The following HDHD2 variants were observed in gnomAD, a reference collection of about 807,000 sequenced individuals.
HDHD2 encodes haloacid dehalogenase-like hydrolase domain-containing protein 2.
A neutral mutation model predicts 24.8 loss-of-function variants in HDHD2; 26 were observed. That is an observed-to-expected ratio of 1.05 (90% CI 0.77 to 1.45). HDHD2 has a LOEUF of 1.45. HDHD2 is among the 40% of genes most tolerant of loss of function. The probability of loss-of-function intolerance (pLI) is 0.00; values close to 1 mark genes in which losing one functional copy is unlikely to be tolerated. For synonymous variants in HDHD2, 128 were observed against 114.9 expected, an observed-to-expected ratio of 1.11 and a Z score of -0.73; for missense variants, 299 against 313.4, an observed-to-expected ratio of 0.95 and a Z score of 0.35.
intron 4 of HDHD2, among the ~76,000 whole-genome samples, chr18:47,119,343 C>T (rs1168108330): frequency 6.6e-6 from 1 of 152,214 alleles, no homozygotes; most frequent in Non-Finnish European, 1.5e-5. Context: ...CTCTCAAGCC[C>T]TTCTGCTGCT....
At chr18:47,128,298 A>G (rs1017553116) in intron 4 of HDHD2, among the ~76,000 whole-genome samples, 1 of 152,218 alleles carries the variant, frequency 6.6e-6, no homozygotes, top group African/African-American at 2.4e-5. Flanking sequence ...TTCCTATTAA[A>G]TATGTCCTTC....
Position 47,135,111 on chromosome 18 carries a change from G to C in HDHD2, c.102-407C>G, listed in dbSNP as rs142358872. Reference sequence around the variant, plus strand: ...GAACATCATGACTCCTAACTAAATTGGTAACTCCCAACTGATGCCTGCCAG... The same window carrying C: ...GAACATCATGACTCCTAACTAAATTCGTAACTCCCAACTGATGCCTGCCAG... On this transcript the variant is annotated intron_variant, in intron 2 of 6. Coordinates refer to ENST00000300605, the MANE Select transcript of HDHD2 (RefSeq NM_032124.5). 5.7e-3 allele frequency among the ~76,000 whole-genome samples: 869 copies of C among 151,924 alleles called. 3 individuals are homozygous for C. The highest frequency in any genetic ancestry group is 9.6e-3 in the Non-Finnish European group (650 of 67,944).
chr18:47,130,810 T>C (rs2063706740), intron 3 of HDHD2, among the ~76,000 whole-genome samples: 1 of 152,218 alleles, frequency 6.6e-6, no homozygotes, highest in African/African-American at 2.4e-5. Context: ...TCATGATTAA[T>C]ATGAAATGCA....
chr18:47,132,616 TTC>T (rs1228211276), intron 3 of HDHD2, among the ~76,000 whole-genome samples: 3 of 152,212 alleles, frequency 2.0e-5, no homozygotes, highest in East Asian at 3.9e-4. Flanking sequence ...CAAATAATAA[TTC>T]TGATTGATAC....
chr18:47,115,883 TTC>T (rs1245320228), intron 4 of HDHD2, among the ~76,000 whole-genome samples: 1 of 152,222 alleles, frequency 6.6e-6, no homozygotes, highest in Non-Finnish European at 1.5e-5. Context: ...GCACTTTTAC[TTC>T]TTTTACCTTT....
At chr18:47,128,084 A>T (rs1411574734) in intron 4 of HDHD2, among the ~76,000 whole-genome samples, 1 of 152,104 alleles carries the variant, frequency 6.6e-6, no homozygotes, top group Non-Finnish European at 1.5e-5. Flanking sequence ...CCTTCTGTTA[A>T]CTCTCCATCC....
intron 4 of HDHD2, among the ~76,000 whole-genome samples, chr18:47,126,521 T>C (rs2063659530): frequency 6.6e-6 from 1 of 152,192 alleles, no homozygotes; most frequent in South Asian, 2.1e-4. Context: ...CTAAGACTTT[T>C]GGAGGACTCT....
At chr18:47,140,955 A>AT (rs2063814674) in intron 1 of HDHD2, among the ~76,000 whole-genome samples, 2 of 152,050 alleles carry the variant, frequency 1.3e-5, no homozygotes, top group African/African-American at 4.8e-5. Flanking sequence ...ACAAGTGATA[A>AT]TTTTTTCTAT....
intron 1 of HDHD2, among the ~76,000 whole-genome samples, chr18:47,148,777 C>T (rs1352484167): frequency 2.6e-5 from 4 of 152,236 alleles, no homozygotes; most frequent in Non-Finnish European, 5.9e-5. Context: ...AATCAACTCT[C>T]ATCTAGACTA....
At position 47,130,291 on chromosome 18, in the gene HDHD2, T is replaced by C; in HGVS notation, c.348A>G (p.Gly116=). The part of the protein sequence containing the change: ...QTSDPNAVVM[G]LAPEHFHYQI... Reference sequence around the variant, plus strand: ...GATAATGAAAATGTTCTGGTGCCAATCCCATGACCACAGCATTAGGATCAC... The same window carrying C: ...GATAATGAAAATGTTCTGGTGCCAACCCCATGACCACAGCATTAGGATCAC... The change falls in exon 4 of 7, where the codon GGA becomes GGG. Residue 116 remains glycine (G), a synonymous_variant. Coordinates refer to ENST00000300605, the MANE Select transcript of HDHD2 (RefSeq NM_032124.5). 1 of 1,608,392 alleles carries C rather than the reference T, an allele frequency of 6.2e-7. No individual in the cohort carries two copies. The highest frequency in any genetic ancestry group is 8.5e-7 in the Non-Finnish European group (1 of 1,176,614).
intron 3 of HDHD2, among the ~76,000 whole-genome samples, chr18:47,134,228 T>C (rs530500187): frequency 1.3e-5 from 2 of 152,308 alleles, no homozygotes; most frequent in South Asian, 4.1e-4. Context: ...AGAATGCATG[T>C]TATACAGCAA....
intron 6 of HDHD2, chr18:47,111,522 G>A (rs2063516252): frequency 3.0e-6 from 3 of 985,372 alleles, no homozygotes; most frequent in Middle Eastern, 1.0e-3. Flanking sequence ...GCTGACGAGT[G>A]TGGCTACTTT....
At chr18:47,141,967 TTGA>T (rs1282398834) in intron 1 of HDHD2, among the ~76,000 whole-genome samples, 2 of 152,184 alleles carry the variant, frequency 1.3e-5, no homozygotes, top group African/African-American at 4.8e-5. Context: ...CTCCCAAGAT[TTGA>T]TGGTTTAATA....
At chr18:47,125,573 A>G (rs2063650859) in intron 4 of HDHD2, among the ~76,000 whole-genome samples, 1 of 152,264 alleles carries the variant, frequency 6.6e-6, no homozygotes, top group African/African-American at 2.4e-5. Flanking sequence ...ACAAAAACAA[A>G]GAAGCAAAAT....
intron 4 of HDHD2, among the ~76,000 whole-genome samples, chr18:47,119,877 T>C (rs2063589409): frequency 6.6e-6 from 1 of 152,218 alleles, no homozygotes; most frequent in Admixed American, 6.5e-5. Context: ...GGGTGTTGTG[T>C]TAACAGGCAT....
Position 47,134,677 on chromosome 18 carries a change from C to T in HDHD2, c.129G>A (p.Arg43=). The part of the protein sequence containing the change: ...KRLRGASVII[R]FVTNTTKESK... ...TCTCTTTGGTTGTATTGGTCACAAA[C>T]CTAATGATTACAGAAGCACCACGTA... is the stretch of plus-strand genomic sequence containing the variant. The change falls in exon 3 of 7, where the codon AGG becomes AGA. Residue 43 remains arginine (R), a synonymous_variant. Coordinates refer to ENST00000300605, the MANE Select transcript of HDHD2 (RefSeq NM_032124.5). 1 of 1,614,132 alleles carries T rather than the reference C, an allele frequency of 6.2e-7. No individual in the cohort carries two copies. Among genetic ancestry groups the T allele is most frequent in the Non-Finnish European group, 8.5e-7 (1 of 1,180,000 alleles).
At chr18:47,118,768 G>T (rs2063578290) in intron 4 of HDHD2, among the ~76,000 whole-genome samples, 1 of 152,166 alleles carries the variant, frequency 6.6e-6, no homozygotes, top group African/African-American at 2.4e-5. Flanking sequence ...TACTGAAAGA[G>T]ACCCAAAGGA....
At chr18:47,131,464 T>C (rs2063712794) in intron 3 of HDHD2, among the ~76,000 whole-genome samples, 1 of 152,166 alleles carries the variant, frequency 6.6e-6, no homozygotes, top group Non-Finnish European at 1.5e-5. Flanking sequence ...ACCATGCCTG[T>C]CCAGATCTGA....
chr18:47,139,478 A>G (rs2144372545), intron 1 of HDHD2, among the ~76,000 whole-genome samples: 2 of 151,488 alleles, frequency 1.3e-5, no homozygotes, highest in Admixed American at 1.3e-4. Flanking sequence ...AAAAAAAAAA[A>G]AAAAAAAAAA....
Sources: gnomAD v4.1 joint callset for allele counts (sites outside exome capture counted in the v4.1 genomes callset) on GRCh38, gnomAD v4.1.1 for gene constraint, MANE v1.5 for transcripts, NCBI Gene and HGNC (gene_info 2026-07-23, HGNC 2026-07-21) for gene names.